The following PLCG2 variants were observed in gnomAD, a reference collection of about 807,000 sequenced individuals.
The protein encoded by PLCG2 is 1-phosphatidylinositol 4,5-bisphosphate phosphodiesterase gamma-2.
In PLCG2, 69 loss-of-function variants were observed where a neutral mutation model predicts 175.6. That is an observed-to-expected ratio of 0.39 (90% CI 0.32 to 0.48). PLCG2 has a LOEUF of 0.48. Ranked by LOEUF, PLCG2 falls within the 20% of genes least tolerant of loss-of-function variation. PLCG2 has a pLI of 0.91. For missense variants in PLCG2, 1,798 were observed against 1,650.9 expected (o/e 1.09, Z -1.54); for synonymous variants, 827 against 624.0 (o/e 1.33, Z -4.85).
chr16:81,761,854 T>C (rs1266361557), intron 2 of PLCG2, among the ~76,000 whole-genome samples: 1 of 148,164 alleles, frequency 6.7e-6, no homozygotes, highest in Non-Finnish European at 1.5e-5. Context: ...TTTTTGCGCA[T>C]GGAGTCTTGT....
chr16:81,847,643 G>A (rs1002426245), intron 2 of PLCG2, among the ~76,000 whole-genome samples: 2 of 152,040 alleles, frequency 1.3e-5, no homozygotes, highest in Non-Finnish European at 1.5e-5. Flanking sequence ...CTGCGTCTGC[G>A]GATTTAAGCT....
Position 81,960,255 on chromosome 16 carries a change from G to T in PLCG2, c.*2257G>T, listed in dbSNP as rs777254873. The T allele has an allele frequency of 9.1e-6, 2 of 220,368 alleles. No individual in the cohort carries two copies. The highest frequency in any genetic ancestry group is 1.8e-5 in the Non-Finnish European group (2 of 110,050). The allele number at this position is 220,368 out of a possible 1,614,324, so 13.7% of individuals were successfully genotyped here. On this transcript the variant is annotated 3_prime_UTR_variant, in exon 33 of 33. Transcript: ENST00000564138. ...CAGGAAAGGCACACATGGTATGATG[G>T]CTCTTCCCAGAGTCTATGTGATGCT...
chr16:81,769,735 G>A (rs1311690790), intron 2 of PLCG2, among the ~76,000 whole-genome samples: 1 of 146,760 alleles, frequency 6.8e-6, no homozygotes, highest in African/African-American at 2.5e-5. Context: ...CAGGAGAATG[G>A]CGTGAACCCG....
chr16:81,885,197 T>C (rs1567515954), intron 9 of PLCG2, among the ~76,000 whole-genome samples: 1 of 152,198 alleles, frequency 6.6e-6, no homozygotes, highest in Non-Finnish European at 1.5e-5. Context: ...TGTATTTTTG[T>C]ATTTTTAATA....
intron 27 of PLCG2, chr16:81,937,201 G>A (rs748346293): frequency 1.3e-5 from 2 of 152,428 alleles, no homozygotes; most frequent in Non-Finnish European, 2.9e-5. Context: ...GGAGGTTGGA[G>A]TACGCTCTTT....
intron 1 of PLCG2, among the ~76,000 whole-genome samples, chr16:81,752,311 CACCCGGCCAGCTCTGAGAAGT>C (rs1396139661): frequency 6.6e-6 from 1 of 152,142 alleles, no homozygotes; most frequent in East Asian, 1.9e-4. Flanking sequence ...TTCCAAGAAG[CACCCGGCCAGCTCTGAGAAGT>C]ACCCGGCCAG....
intron 2 of PLCG2, among the ~76,000 whole-genome samples, chr16:81,807,041 C>T (rs1904284444): frequency 6.6e-6 from 1 of 152,134 alleles, no homozygotes; most frequent in South Asian, 2.1e-4. Flanking sequence ...TTGGCTTTCT[C>T]CTGAGTCGTC....
chr16:81,865,890 C>T (rs1479284568), intron 5 of PLCG2, among the ~76,000 whole-genome samples: 1 of 136,790 alleles, frequency 7.3e-6, no homozygotes, highest in South Asian at 2.4e-4. Context: ...ACGCTGGCCT[C>T]TCCCTTGCTC....
chr16:81,813,620 A>C (rs1453834523), intron 2 of PLCG2, among the ~76,000 whole-genome samples: 1 of 152,214 alleles, frequency 6.6e-6, no homozygotes, highest in Admixed American at 6.5e-5. Flanking sequence ...TGGGTCAGGA[A>C]TTTGGGCAGA....
rs1910948931 is a variant in PLCG2 at position 81,785,933 on chromosome 16, G to A, written c.-47-10G>A. 1 of 1,509,114 alleles carries A rather than the reference G, an allele frequency of 6.6e-7. No homozygotes were observed. Among genetic ancestry groups the A allele is most frequent in the Non-Finnish European group, 9.1e-7 (1 of 1,095,658 alleles). 93.5% of individuals were successfully genotyped at this position (1,509,114 alleles called of 1,614,324 possible). ...TAAAATCAGTTCACTCTTTAATTCT[G>A]CCCTTTCAGCTTCCTGATTTCTCCC... On this transcript the variant is annotated splice_polypyrimidine_tract_variant and intron_variant, in intron 1 of 32. Transcript: ENST00000564138.
At chr16:81,832,746 T>C (rs1477621001) in intron 2 of PLCG2, among the ~76,000 whole-genome samples, 2 of 152,208 alleles carry the variant, frequency 1.3e-5, no homozygotes, top group Non-Finnish European at 2.9e-5. Flanking sequence ...TGGTATGATA[T>C]CCAGTTGACT....
intron 1 of PLCG2, among the ~76,000 whole-genome samples, chr16:81,741,799 C>G (rs1909600483): frequency 1.3e-5 from 2 of 151,752 alleles, no homozygotes. Flanking sequence ...CGAAGAGAGA[C>G]TGTCTCAAAA....
intron 2 of PLCG2, among the ~76,000 whole-genome samples, chr16:81,841,687 C>G (rs1175029144): frequency 2.0e-5 from 3 of 152,160 alleles, no homozygotes; most frequent in Non-Finnish European, 4.4e-5. Context: ...GGATTTAACT[C>G]ATGCCTGCTA....
intron 1 of PLCG2, 38 bp from the exon 2 acceptor site, chr16:81,785,905 T>C: frequency 7.9e-7 from 1 of 1,266,810 alleles, no homozygotes; most frequent in Non-Finnish European, 1.1e-6. Flanking sequence ...CCCCTTTCAG[T>C]ACTAAAATCA....
At chr16:81,810,101 C>T (rs1904304766) in intron 2 of PLCG2, among the ~76,000 whole-genome samples, 1 of 152,112 alleles carries the variant, frequency 6.6e-6, no homozygotes, top group Non-Finnish European at 1.5e-5. Flanking sequence ...AAGTGATTCT[C>T]CTGCCTCAGC....
intron 8 of PLCG2, among the ~76,000 whole-genome samples, chr16:81,881,905 G>A (rs1483448327): frequency 1.3e-5 from 2 of 152,002 alleles, no homozygotes; most frequent in Non-Finnish European, 2.9e-5. Flanking sequence ...ACCTGCCTTG[G>A]CCTCCCGAAG....
chr16:81,746,397 A>G (rs1168924209), intron 1 of PLCG2, among the ~76,000 whole-genome samples: 1 of 152,196 alleles, frequency 6.6e-6, no homozygotes, highest in African/African-American at 2.4e-5. Context: ...CGGTGAACGC[A>G]CTGCATTCTG....
intron 7 of PLCG2, among the ~76,000 whole-genome samples, chr16:81,875,473 G>A (rs1907735314): frequency 6.6e-6 from 1 of 152,104 alleles, no homozygotes; most frequent in Non-Finnish European, 1.5e-5. Context: ...CTTAATTTTT[G>A]AATCCTTTGT....
intron 2 of PLCG2, among the ~76,000 whole-genome samples, chr16:81,791,258 G>T (rs185220910): frequency 1.1e-3 from 162 of 152,252 alleles, no homozygotes; most frequent in African/African-American, 3.6e-3. Flanking sequence ...ATTTGGATGT[G>T]GGGGAGGTGG....
Sources: allele counts gnomAD v4.1 joint callset (sites outside exome capture counted in the v4.1 genomes callset), GRCh38; gene constraint gnomAD v4.1.1; transcripts MANE v1.5; gene names NCBI Gene and HGNC (gene_info 2026-07-23, HGNC 2026-07-21).